The following SPRY4 variants were observed in gnomAD, a reference collection of about 807,000 sequenced individuals.
The protein encoded by SPRY4 is sprouty RTK signaling antagonist 4.
SPRY4 carries 7 observed loss-of-function variants against 17.0 expected under a neutral mutation model. The ratio of observed to expected loss-of-function variants is 0.41; its 90% CI spans 0.23 to 0.77. SPRY4 has a LOEUF of 0.77. Among genes scored for constraint, SPRY4 ranks in the 30% least tolerant of loss-of-function variants. The pLI, the probability that SPRY4 is intolerant of heterozygous loss-of-function variation, is 0.32. For missense variants in SPRY4, 435 were observed against 419.9 expected, an observed-to-expected ratio of 1.04 and a Z score of -0.31; for synonymous variants, 183 against 174.1, an observed-to-expected ratio of 1.05 and a Z score of -0.40.
At chr5:142,317,168 A>C in intron 1 of SPRY4, 1 of 985,468 alleles carries the variant, frequency 1.0e-6, no homozygotes, top group Non-Finnish European at 1.2e-6. Flanking sequence ...GTAAGCATCT[A>C]TGGAGAGGAG....
Position 142,324,901 on chromosome 5 carries a change from G to A in SPRY4, c.-105C>T, listed in dbSNP as rs976901130. ...CACGTCTGTGTAAATCCTGAAGCCG[G>A]GGCAGGTTAGCCGCCGCTGTACTCG... On this transcript the variant is annotated 5_prime_UTR_variant, in exon 1 of 2. Transcript: ENST00000434127. 1 of 152,710 alleles carries A rather than the reference G, an allele frequency of 6.5e-6. No individual in the cohort carries two copies. Among genetic ancestry groups the A allele is most frequent in the African/African-American group, 2.4e-5 (1 of 41,478 alleles). The allele number at this position is 152,710 out of a possible 1,614,324, so 9.5% of individuals were successfully genotyped here.
rs1037414974 is a variant in SPRY4 at position 142,310,866 on chromosome 5, G to A, written c.*3343C>T. 6.6e-6 allele frequency: 1 copy of A among 152,250 alleles called. No homozygotes were observed. Among genetic ancestry groups the A allele is most frequent in the Admixed American group, 6.5e-5 (1 of 15,282 alleles). The allele number at this position is 152,250 out of a possible 1,614,324, so 9.4% of individuals were successfully genotyped here. On this transcript the variant is annotated 3_prime_UTR_variant, in exon 2 of 2. Coordinates refer to ENST00000434127, the MANE Select transcript of SPRY4 (RefSeq NM_001127496.3). ...AGGCATGAACCAGAAGGCTAGTGAGGCTCGCAGGATGCCCTAGTGAATCGT... is the reference window on the plus strand; with the variant it reads ...AGGCATGAACCAGAAGGCTAGTGAGACTCGCAGGATGCCCTAGTGAATCGT...
Position 142,310,687 on chromosome 5 carries a change from C to G in SPRY4, c.*3522G>C, listed in dbSNP as rs1758872918. 1 of 152,300 alleles carries G rather than the reference C, an allele frequency of 6.6e-6. No homozygotes were observed. The highest frequency in any genetic ancestry group is 1.5e-5 in the Non-Finnish European group (1 of 67,998). The allele number at this position is 152,300 out of a possible 1,614,324, so 9.4% of individuals were successfully genotyped here. On this transcript the variant is annotated 3_prime_UTR_variant, in exon 2 of 2. Transcript: ENST00000434127. ...GATGTGGCGGGGTGGGAGCCTCGAGCTTTTCTGTTTGTAACATGAAACCAA... is the reference window on the plus strand; with the variant it reads ...GATGTGGCGGGGTGGGAGCCTCGAGGTTTTCTGTTTGTAACATGAAACCAA...
chr5:142,317,379 A>G lies in SPRY4; in HGVS notation c.-47-2224T>C, dbSNP rs73292476. The G allele has an allele frequency of 3.5e-3, 3,473 of 985,380 alleles. 95 individuals are homozygous for G. The African/African-American group carries it at 0.054, about 15-fold the overall frequency. The allele number at this position is 985,380 out of a possible 1,614,324, so 61.0% of individuals were successfully genotyped here. A position where few individuals can be genotyped will look rare whatever the true frequency, so the allele number is the denominator to read the frequency against. On this transcript the variant is annotated intron_variant, in intron 1 of 1. Transcript: ENST00000434127. ...GGGTGTGGCTTGGCCTAAGAATTAA[A>G]AATGCCACGGATAAGATTCTCCAGC...
chr5:142,323,485 G>A (rs1270668643), intron 1 of SPRY4, among the ~76,000 whole-genome samples: 1 of 152,170 alleles, frequency 6.6e-6, no homozygotes, highest in African/African-American at 2.4e-5. Context: ...GCCAGAAGGC[G>A]GCCTCCTGCC....
Position 142,313,583 on chromosome 5 carries a change from G to A in SPRY4, c.*626C>T, listed in dbSNP as rs1305933853. 1 of 152,466 alleles carries A rather than the reference G, an allele frequency of 6.6e-6. No homozygotes were observed. The highest frequency in any genetic ancestry group is 2.4e-5 in the African/African-American group (1 of 41,392). The allele number at this position is 152,466 out of a possible 1,614,324, so 9.4% of individuals were successfully genotyped here. A position where few individuals can be genotyped will look rare whatever the true frequency, so the allele number is the denominator to read the frequency against. ...TCCGGGGAGGCAGAAGGAGGAACGAGGCTTGGACTCACTGGCCGTCCTCTG... is the reference window on the plus strand; with the variant it reads ...TCCGGGGAGGCAGAAGGAGGAACGAAGCTTGGACTCACTGGCCGTCCTCTG... On this transcript the variant is annotated 3_prime_UTR_variant, in exon 2 of 2. Coordinates refer to ENST00000434127, the MANE Select transcript of SPRY4 (RefSeq NM_001127496.3).
rs1387031122 is a variant in SPRY4, at chr5:142,314,978, T to C, written c.131A>G (p.Lys44Arg). 1 of 1,613,916 alleles carries C rather than the reference T, an allele frequency of 6.2e-7. No individual in the cohort carries two copies. Among genetic ancestry groups the C allele is most frequent in the Admixed American group, 1.7e-5 (1 of 60,010 alleles). The change falls in exon 2 of 2, where the codon AAG (lysine) becomes AGG (arginine). Residue 44 changes from lysine to arginine, a missense_variant. By Grantham distance (26) the Lys-to-Arg change is conservative. Coordinates refer to ENST00000434127, the MANE Select transcript of SPRY4 (RefSeq NM_001127496.3). The surrounding 1 kb of genome is among the most constrained non-coding windows in gnomAD (Gnocchi z 4.8). ...GTAGTCATTCTCCACATGGCTGGTC[T>C]TCACCTGGTCAATGGGTAGGATGGT... ...PLTILPIDQV[K>R]TSHVENDYID...
intron 1 of SPRY4, among the ~76,000 whole-genome samples, chr5:142,322,902 G>A (rs1332937655): frequency 1.3e-5 from 2 of 152,202 alleles, no homozygotes; most frequent in African/African-American, 2.4e-5. Flanking sequence ...CCTCCCAAGA[G>A]ATGGGAAAGA....
chr5:142,317,832 T>G, intron 1 of SPRY4: 1 of 985,256 alleles, frequency 1.0e-6, no homozygotes, highest in Non-Finnish European at 1.2e-6. Flanking sequence ...CCCATAACCC[T>G]CCAGAGGCAG....
intron 1 of SPRY4, among the ~76,000 whole-genome samples, chr5:142,319,255 G>A (rs1428916216): frequency 6.6e-6 from 1 of 152,188 alleles, no homozygotes; most frequent in Non-Finnish European, 1.5e-5. Context: ...GGGAAGGAAA[G>A]CCAGATGGGG....
In SPRY4 at chr5:142,314,976, T is replaced by A. The variant is rs775900114; in HGVS notation, c.133A>T (p.Thr45Ser). 3 of 1,613,878 alleles carry A rather than the reference T, an allele frequency of 1.9e-6. No homozygotes were observed. In the East Asian group the frequency reaches 6.7e-5, roughly 36 times the overall value. ...ATGTAGTCATTCTCCACATGGCTGGTCTTCACCTGGTCAATGGGTAGGATG... is the reference window on the plus strand; with the variant it reads ...ATGTAGTCATTCTCCACATGGCTGGACTTCACCTGGTCAATGGGTAGGATG... ...LTILPIDQVKTSHVENDYIDN... is the reference protein window; with the variant it reads ...LTILPIDQVKSSHVENDYIDN... The change falls in exon 2 of 2, where the codon ACC becomes TCC. Residue 45 changes from threonine (T) to serine (S), a missense_variant. Coordinates refer to ENST00000434127, the MANE Select transcript of SPRY4 (RefSeq NM_001127496.3). This position sits in a 1 kb window ranked among gnomAD's most constrained non-coding sequence, Gnocchi z 4.8.
intron 1 of SPRY4, among the ~76,000 whole-genome samples, chr5:142,319,201 G>A (rs1001533779): frequency 3.9e-5 from 6 of 152,132 alleles, no homozygotes; most frequent in Non-Finnish European, 5.9e-5. Flanking sequence ...CAGCCCTCAC[G>A]GAACATCATT....
intron 1 of SPRY4, among the ~76,000 whole-genome samples, chr5:142,320,255 C>T (rs563377232): frequency 1.3e-5 from 2 of 152,180 alleles, no homozygotes; most frequent in African/African-American, 4.8e-5. Context: ...AAGACAATCT[C>T]TGCTGAGAAT....
intron 1 of SPRY4, among the ~76,000 whole-genome samples, chr5:142,318,769 A>G (rs1360502167): frequency 6.6e-6 from 1 of 152,224 alleles, no homozygotes; most frequent in African/African-American, 2.4e-5. Context: ...ACTTAGCCAA[A>G]GAAGCACCTC....
intron 1 of SPRY4, among the ~76,000 whole-genome samples, chr5:142,316,208 C>G (rs1057023211): frequency 3.3e-5 from 5 of 151,976 alleles, no homozygotes; most frequent in African/African-American, 1.2e-4. Context: ...CTAATTTCAC[C>G]GAGAGAGTGC....
intron 1 of SPRY4, chr5:142,317,172 A>G (rs1245548986): frequency 1.0e-6 from 1 of 985,328 alleles, no homozygotes; most frequent in African/African-American, 1.7e-5. Context: ...GCATCTATGG[A>G]GAGGAGTTTT....
Position 142,315,049 on chromosome 5 carries a change from G to GAA in SPRY4, c.59_60insTT (p.Leu21SerfsTer24). 6.2e-7 allele frequency: 1 copy of GAA among 1,613,692 alleles called. No individual in the cohort carries two copies. ...TGTGGGACATCCGGCTGTCAAGAAG[G>GAA]GGCTGGACCATGACTGAGTTGGGAG... On this transcript the variant is annotated frameshift_variant, in exon 2 of 2. Transcript: ENST00000434127. LOFTEE classifies it high-confidence loss of function.
At position 142,311,123 on chromosome 5, in the gene SPRY4, G is replaced by A. The variant is rs906689514; in HGVS notation, c.*3086C>T. On this transcript the variant is annotated 3_prime_UTR_variant, in exon 2 of 2. Coordinates refer to ENST00000434127, the MANE Select transcript of SPRY4 (RefSeq NM_001127496.3). ...CCATGTCTTCCATCTCAGCTCTGAG[G>A]GGGTGCGTACCAAAGGACCAAAGGA... The A allele has an allele frequency of 6.6e-6, 1 of 152,168 alleles. No homozygotes were observed. The allele number at this position is 152,168 out of a possible 1,614,324, so 9.4% of individuals were successfully genotyped here. A position where few individuals can be genotyped will look rare whatever the true frequency, so the allele number is the denominator to read the frequency against.
At chr5:142,316,408 G>T (rs758917253) in intron 1 of SPRY4, among the ~76,000 whole-genome samples, 2 of 152,150 alleles carry the variant, frequency 1.3e-5, no homozygotes, top group Non-Finnish European at 2.9e-5. Context: ...TCAATTTAAA[G>T]AAATAGCAGC....
Sources: gnomAD v4.1 joint callset for allele counts (sites outside exome capture counted in the v4.1 genomes callset) on GRCh38, gnomAD v4.1.1 for gene constraint, Gnocchi (gnomAD v3.1) non-coding constraint, MANE v1.5 for transcripts, NCBI Gene and HGNC (gene_info 2026-07-23, HGNC 2026-07-21) for gene names.